Variants in CACNA1S observed in about 807,000 individuals in gnomAD.
The protein encoded by CACNA1S is calcium voltage-gated channel subunit alpha1 S, also known as voltage-dependent L-type calcium channel subunit alpha-1S.
A neutral mutation model predicts 207.4 loss-of-function variants in CACNA1S; 126 were observed. That is an observed-to-expected ratio of 0.61 (90% CI 0.53 to 0.70). The LOEUF (loss-of-function observed/expected upper bound fraction) is 0.70, where lower values mean the gene tolerates loss of function less well. CACNA1S is among the 30% of genes least tolerant of loss of function. The probability of loss-of-function intolerance (pLI) is 0.00; values close to 1 mark genes in which losing one functional copy is unlikely to be tolerated. For missense variants in CACNA1S, 2,349 were observed against 2,422.8 expected (o/e 0.97, Z 0.64); for synonymous variants, 960 against 932.7 (o/e 1.03, Z -0.53).
chr1:201,047,387 T>C, intron 37 of CACNA1S, 138 bp downstream of exon 37: 12 of 1,258,032 alleles, frequency 9.5e-6, no homozygotes, highest in Non-Finnish European at 1.4e-5. Context: ...ATCCTGAGGT[T>C]GGATGCCCGT....
chr1:201,053,716 C>A lies in CACNA1S; in HGVS notation c.3667-129G>T, dbSNP rs1452040893. 1.3e-5 allele frequency: 12 copies of A among 932,040 alleles called. No individual in the cohort carries two copies. Among genetic ancestry groups the A allele is most frequent in the Non-Finnish European group, 1.8e-5 (11 of 609,880 alleles). The allele number at this position is 932,040 out of a possible 1,614,324, so 57.7% of individuals were successfully genotyped here. On this transcript the variant is annotated intron_variant, in intron 29 of 43. Transcript: ENST00000362061. This position sits in a 1 kb window ranked among gnomAD's most constrained non-coding sequence, Gnocchi z 5.1. ...TGGCATGGAGGAACTCCAGCCCCGC[C>A]TCTGGCCCCTGCTGTCCACTAGTTC...
Position 201,110,573 on chromosome 1 carries a change from C to T in CACNA1S, c.153-304G>A, listed in dbSNP as rs149303105. Among the ~76,000 whole-genome samples, 384 of 152,330 alleles carry T rather than the reference C, an allele frequency of 2.5e-3. 1 individual carries two copies. The highest frequency in any genetic ancestry group is 8.8e-3 in the African/African-American group (364 of 41,570). ...AGCTTTAAGGCCTAGGGGGTCTTCA[C>T]ACCGCTCCACTCTCAGCGCCTGTCC... On this transcript the variant is annotated intron_variant, in intron 1 of 43. Coordinates refer to ENST00000362061, the MANE Select transcript of CACNA1S (RefSeq NM_000069.3).
At chr1:201,062,751 C>T (rs1243720225) in intron 22 of CACNA1S, among the ~76,000 whole-genome samples, 1 of 152,232 alleles carries the variant, frequency 6.6e-6, no homozygotes, top group Non-Finnish European at 1.5e-5. Context: ...CTTCCCCACC[C>T]AGCCTAGATG....
At chr1:201,049,829 C>A (rs1466837547) in intron 34 of CACNA1S, among the ~76,000 whole-genome samples, 1 of 152,150 alleles carries the variant, frequency 6.6e-6, no homozygotes, top group Non-Finnish European at 1.5e-5. Flanking sequence ...ATCTTGGCAC[C>A]ATCTCTTACC....
At position 201,077,134 on chromosome 1, in the gene CACNA1S, G is replaced by A. The variant is rs1558071981; in HGVS notation, c.1620-7C>T. ...GCTCAGCGACGTCCAATATCTGAAG[G>A]AAGAGGAGGCACAAGGTGGGAGGAG... On this transcript the variant is annotated splice_region_variant and splice_polypyrimidine_tract_variant and intron_variant, in intron 11 of 43. Coordinates refer to ENST00000362061, the MANE Select transcript of CACNA1S (RefSeq NM_000069.3). 1 of 1,613,428 alleles carries A rather than the reference G, an allele frequency of 6.2e-7. No individual in the cohort carries two copies. The highest frequency in any genetic ancestry group is 1.1e-5 in the South Asian group (1 of 91,060).
At chr1:201,102,183 G>T (rs146524191) in intron 2 of CACNA1S, among the ~76,000 whole-genome samples, 1 of 152,152 alleles carries the variant, frequency 6.6e-6, no homozygotes, top group Non-Finnish European at 1.5e-5. Flanking sequence ...GGAGGAGGGG[G>T]TCCTCCTGGA....
At chr1:201,041,188 C>T (rs1157289975) in intron 41 of CACNA1S, among the ~76,000 whole-genome samples, 2 of 152,094 alleles carry the variant, frequency 1.3e-5, no homozygotes, top group African/African-American at 2.4e-5. Context: ...GGACCTGGGG[C>T]GGTGTGGGGA....
At chr1:201,059,161 C>A in intron 27 of CACNA1S, 28 bp downstream of exon 27, 1 of 1,450,872 alleles carries the variant, frequency 6.9e-7, no homozygotes, top group South Asian at 1.1e-5. Context: ...CCCAGCTTCT[C>A]ATCTGGCCCG....
intron 12 of CACNA1S, 68 bp from the exon 13 acceptor site, chr1:201,075,683 T>A: frequency 6.5e-7 from 1 of 1,542,564 alleles, no homozygotes; most frequent in Non-Finnish European, 8.9e-7. Flanking sequence ...TGGGACCGCA[T>A]TGACCGAAGT....
At chr1:201,089,159 G>C in intron 6 of CACNA1S, 99 bp downstream of exon 6, 1 of 1,113,596 alleles carries the variant, frequency 9.0e-7, no homozygotes, top group African/African-American at 1.5e-5. Context: ...GCAAGTCAGA[G>C]ACTGGCCTCC....
At chr1:201,109,940 G>A (rs569074221) in intron 2 of CACNA1S, among the ~76,000 whole-genome samples, 12 of 152,186 alleles carry the variant, frequency 7.9e-5, no homozygotes, top group Admixed American at 3.3e-4. Context: ...CAATGAGTGC[G>A]TGCTTAGTGC....
intron 7 of CACNA1S, among the ~76,000 whole-genome samples, chr1:201,085,814 T>C (rs556519052): frequency 6.6e-6 from 1 of 152,206 alleles, no homozygotes; most frequent in African/African-American, 2.4e-5. Flanking sequence ...TCCTTGCCCC[T>C]TCCTCATTTC....
chr1:201,068,632 G>C (rs1045398927), intron 19 of CACNA1S, among the ~76,000 whole-genome samples: 12 of 151,710 alleles, frequency 7.9e-5, no homozygotes, highest in African/African-American at 2.4e-4. Flanking sequence ...CAGCACTTTG[G>C]GAGGCTGAGG....
At chr1:201,097,846 G>A (rs1015935220) in intron 2 of CACNA1S, among the ~76,000 whole-genome samples, 1 of 152,138 alleles carries the variant, frequency 6.6e-6, no homozygotes, top group African/African-American at 2.4e-5. Context: ...TTCCCTTAGT[G>A]ACATATGGTC....
intron 2 of CACNA1S, among the ~76,000 whole-genome samples, chr1:201,100,016 C>T (rs1018819664): frequency 1.3e-5 from 2 of 152,082 alleles, no homozygotes; most frequent in South Asian, 2.1e-4. Context: ...TGCAGAGGAC[C>T]TATAACCCTG....
intron 28 of CACNA1S, among the ~76,000 whole-genome samples, chr1:201,056,560 G>C (rs1660853127): frequency 6.6e-6 from 1 of 152,208 alleles, no homozygotes; most frequent in African/African-American, 2.4e-5. Flanking sequence ...CAGCCCTTGG[G>C]TGACATCCCA....
At position 201,053,055 on chromosome 1, in the gene CACNA1S, C is replaced by T. The variant is rs1660709790; in HGVS notation, c.3861+154G>A. Among the ~76,000 whole-genome samples, 1 of 152,136 alleles carries T rather than the reference C, an allele frequency of 6.6e-6. No individual in the cohort carries two copies. Among genetic ancestry groups the T allele is most frequent in the South Asian group, 2.1e-4 (1 of 4,826 alleles). ...AAGCATCTGACACTCCAGCCATCCA[C>T]GATCAGGGAGGTTGTCCCTCCTTCT... On this transcript the variant is annotated intron_variant, in intron 31 of 43. Transcript: ENST00000362061. The surrounding 1 kb of genome is among the most constrained non-coding windows in gnomAD (Gnocchi z 5.1).
chr1:201,083,192 T>A lies in CACNA1S; in HGVS notation c.1363A>T (p.Asn455Tyr). Residue 455 changes from asparagine (N) to tyrosine (Y), a missense_variant, in exon 10 of 44, where the codon AAC (asparagine) becomes TAC (tyrosine). Transcript: ENST00000362061. ...AAACGGGTCAGCCAGAGAGGCTGGTTGTGGTGCTCTGAGGCGATAGACAGG... is the reference window on the plus strand; with the variant it reads ...AAACGGGTCAGCCAGAGAGGCTGGTAGTGGTGCTCTGAGGCGATAGACAGG... ...NTLSIASEHH[N>Y]QPLWLTRLQD... 1.9e-6 allele frequency: 3 copies of A among 1,614,172 alleles called. No homozygotes were observed. Among genetic ancestry groups the A allele is most frequent in the Non-Finnish European group, 1.7e-6 (2 of 1,180,034 alleles).
intron 19 of CACNA1S, among the ~76,000 whole-genome samples, 170 bp from the exon 20 acceptor site, chr1:201,067,163 T>A (rs932655021): frequency 6.6e-6 from 1 of 152,236 alleles, no homozygotes; most frequent in Non-Finnish European, 1.5e-5. Context: ...GCATTTCCTA[T>A]CTCTGCTCGC....
Sources: allele counts gnomAD v4.1 joint callset (sites outside exome capture counted in the v4.1 genomes callset), GRCh38; gene constraint gnomAD v4.1.1; non-coding constraint Gnocchi (gnomAD v3.1); transcripts MANE v1.5; gene names NCBI Gene and HGNC (gene_info 2026-07-23, HGNC 2026-07-21).